PSD3: variants seen among roughly 807,000 people sequenced by gnomAD.
The protein encoded by PSD3 is pleckstrin and Sec7 domain containing 3.
PSD3 carries 49 observed loss-of-function variants against 105.5 expected under a neutral mutation model. The ratio of observed to expected loss-of-function variants is 0.46; its 90% CI spans 0.37 to 0.59. The LOEUF is 0.59. Ranked by LOEUF, PSD3 falls within the 20% of genes least tolerant of loss-of-function variation. The probability of loss-of-function intolerance (pLI) is 0.00; values close to 1 mark genes in which losing one functional copy is unlikely to be tolerated. For missense variants in PSD3, 1,561 were observed against 1,263.8 expected, an observed-to-expected ratio of 1.24 and a Z score of -3.57; for synonymous variants, 557 against 457.8, an observed-to-expected ratio of 1.22 and a Z score of -2.77.
chr8:18,925,988 C>T (rs760530457), intron 2 of PSD3, among the ~76,000 whole-genome samples: 3 of 152,078 alleles, frequency 2.0e-5, no homozygotes, highest in South Asian at 2.1e-4. Context: ...CAGAGGAAGA[C>T]GGAAAGCCTA....
At position 19,057,406 on chromosome 8, in the gene PSD3, C is replaced by G. The variant is rs190815344; in HGVS notation, c.324+26800G>C. 1.9e-3 allele frequency among the ~76,000 whole-genome samples: 283 copies of G among 152,246 alleles called. 2 individuals are homozygous for G. Among genetic ancestry groups the G allele is most frequent in the African/African-American group, 6.6e-3 (276 of 41,548 alleles). On this transcript the variant is annotated intron_variant, in intron 1 of 1. Coordinates refer to the PSD3 transcript ENST00000521475. Reference sequence around the variant, plus strand: ...CTCAGCAGCATGAAACACAATTAACCCTTCAGTTTTCTATGACACGAAAAC... The same window carrying G: ...CTCAGCAGCATGAAACACAATTAACGCTTCAGTTTTCTATGACACGAAAAC...
At chr8:18,787,916 A>G (rs1809335871) in intron 8 of PSD3, among the ~76,000 whole-genome samples, 1 of 152,202 alleles carries the variant, frequency 6.6e-6, no homozygotes, top group African/African-American at 2.4e-5. Flanking sequence ...TCCAAAACAG[A>G]CAAATTCTGT....
rs116012309 is a variant in PSD3 at position 18,768,685 on chromosome 8, T to C, written c.2083-3147A>G. On this transcript the variant is annotated intron_variant, in intron 8 of 15. Transcript: ENST00000327040. ...CCTGAGAACATACACCTGTGTGCCATAGGAGTCATCACTTCCCACCTCCCC... is the reference window on the plus strand; with the variant it reads ...CCTGAGAACATACACCTGTGTGCCACAGGAGTCATCACTTCCCACCTCCCC... 3.7e-3 allele frequency among the ~76,000 whole-genome samples: 569 copies of C among 152,248 alleles called. 6 individuals are homozygous for C. The highest frequency in any genetic ancestry group is 0.013 in the African/African-American group (546 of 41,528).
At chr8:18,985,229 C>T (rs563067713) in intron 1 of PSD3, among the ~76,000 whole-genome samples, 38 of 152,248 alleles carry the variant, frequency 2.5e-4, no homozygotes, top group African/African-American at 8.4e-4. Context: ...TCACCGCGCC[C>T]GGTCATCCTT....
At chr8:18,693,288 A>G (rs111228185) in intron 9 of PSD3, among the ~76,000 whole-genome samples, 1 of 152,318 alleles carries the variant, frequency 6.6e-6, no homozygotes, top group African/African-American at 2.4e-5. Context: ...CCAAATTTCA[A>G]TGTGGCCAAG....
At chr8:18,643,637 AG>A (rs759515214) in intron 10 of PSD3, among the ~76,000 whole-genome samples, 13 of 152,222 alleles carry the variant, frequency 8.5e-5, no homozygotes, top group Non-Finnish European at 1.6e-4. Context: ...AAAACCAAAT[AG>A]GGAAAACAAC....
chr8:18,668,085 C>G (rs1799583789), intron 9 of PSD3, among the ~76,000 whole-genome samples: 1 of 152,220 alleles, frequency 6.6e-6, no homozygotes, highest in Admixed American at 6.5e-5. Context: ...TCCCAGCAAG[C>G]TGAGGGAGCC....
Position 18,804,823 on chromosome 8 carries a change from G to T in PSD3, c.1710C>A (p.Thr570=), listed in dbSNP as rs1442077161. ...MGSTEILEKE[T]PENLSNGTSS... ...TGGTACCATTACTGAGATTTTCTGG[G>T]GTCTCCTTTTCCAAAATTTCAGTGC... Residue 570 remains threonine, a synonymous_variant, in exon 5 of 16, where the codon ACC becomes ACA. Transcript: ENST00000327040. The T allele has an allele frequency of 1.2e-6, 2 of 1,613,774 alleles. No homozygotes were observed. Among genetic ancestry groups the T allele is most frequent in the East Asian group, 2.2e-5 (1 of 44,860 alleles).
intron 14 of PSD3, 100 bp downstream of exon 14, chr8:18,572,428 C>G (rs1175688385): frequency 6.9e-7 from 1 of 1,447,022 alleles, no homozygotes; most frequent in Non-Finnish European, 9.5e-7. Context: ...AGGTCTCACA[C>G]CTGCCCCCAA....
At chr8:18,917,234 G>A (rs569578660) in intron 2 of PSD3, among the ~76,000 whole-genome samples, 7 of 152,162 alleles carry the variant, frequency 4.6e-5, no homozygotes, top group African/African-American at 1.2e-4. Flanking sequence ...TGTGTCCCTC[G>A]CATTCCTGCA....
intron 4 of PSD3, among the ~76,000 whole-genome samples, chr8:18,854,786 T>C (rs947107162): frequency 1.9e-4 from 29 of 152,240 alleles, no homozygotes; most frequent in Admixed American, 7.2e-4. Flanking sequence ...ATACACAATT[T>C]AGCTCTATTA....
intron 4 of PSD3, among the ~76,000 whole-genome samples, chr8:18,806,257 A>G (rs780786786): frequency 6.6e-6 from 1 of 152,194 alleles, no homozygotes; most frequent in Non-Finnish European, 1.5e-5. Flanking sequence ...TTGTTTTTGC[A>G]CCATAAGATA....
chr8:19,063,926 G>C (rs1828987002), intron 1 of PSD3, among the ~76,000 whole-genome samples: 1 of 152,108 alleles, frequency 6.6e-6, no homozygotes, highest in Non-Finnish European at 1.5e-5. Context: ...TGGATCACTT[G>C]AGGTCAGGAG....
intron 9 of PSD3, among the ~76,000 whole-genome samples, chr8:18,696,299 A>C (rs921224764): frequency 1.3e-5 from 2 of 152,228 alleles, no homozygotes; most frequent in Non-Finnish European, 2.9e-5. Flanking sequence ...CAGGCCGGAA[A>C]CTTCACATTA....
At chr8:18,757,666 C>G (rs1487115915) in intron 9 of PSD3, among the ~76,000 whole-genome samples, 3 of 152,190 alleles carry the variant, frequency 2.0e-5, no homozygotes, top group South Asian at 4.1e-4. Context: ...GAGCCACCAT[C>G]CTTCTCACAT....
chr8:18,600,514 A>C (rs543549292), intron 11 of PSD3, 80 bp from the exon 12 acceptor site: 2 of 1,197,204 alleles, frequency 1.7e-6, no homozygotes, highest in South Asian at 2.7e-5. Context: ...ACATGGTGAC[A>C]GTGTTTCAAT....
chr8:18,544,731 C>T (rs770466317), intron 15 of PSD3, among the ~76,000 whole-genome samples: 5 of 152,156 alleles, frequency 3.3e-5, no homozygotes, highest in African/African-American at 7.2e-5. Context: ...AGGCCTGGGT[C>T]TGTAGAAAGT....
At chr8:18,874,015 C>G (rs1028274524) in intron 2 of PSD3, among the ~76,000 whole-genome samples, 2 of 152,150 alleles carry the variant, frequency 1.3e-5, no homozygotes, top group Non-Finnish European at 2.9e-5. Context: ...AGCTGTAGTC[C>G]TATCAGCCCT....
At chr8:18,828,920 G>A (rs905408657) in intron 4 of PSD3, among the ~76,000 whole-genome samples, 3 of 152,136 alleles carry the variant, frequency 2.0e-5, no homozygotes, top group Non-Finnish European at 4.4e-5. Context: ...CCAACATGGT[G>A]AAACCCTGTC....
Sources: allele counts gnomAD v4.1 joint callset (sites outside exome capture counted in the v4.1 genomes callset), GRCh38; gene constraint gnomAD v4.1.1; transcripts MANE v1.5; gene names NCBI Gene and HGNC (gene_info 2026-07-23, HGNC 2026-07-21).